SORCS1: variants seen among roughly 807,000 people sequenced by gnomAD.
SORCS1 encodes the protein VPS10 domain-containing receptor SorCS1.
In SORCS1, 60 loss-of-function variants were observed where a neutral mutation model predicts 146.1. That is an observed-to-expected ratio of 0.41 (90% CI 0.33 to 0.51). The LOEUF is 0.51. Ranked by LOEUF, SORCS1 falls within the 20% of genes least tolerant of loss-of-function variation. The probability of loss-of-function intolerance (pLI) is 0.21; values close to 1 mark genes in which losing one functional copy is unlikely to be tolerated. For missense variants in SORCS1, 1,352 were observed against 1,487.6 expected (o/e 0.91, Z 1.50); for synonymous variants, 637 against 584.0 (o/e 1.09, Z -1.31).
chr10:107,173,943 C>T, the SORCS1 span, among the ~76,000 whole-genome samples: 1 of 152,144 alleles, frequency 6.6e-6, no homozygotes, highest in African/African-American at 2.4e-5. Context: ...ATTATTAGAA[C>T]ATCATAATAC....
At chr10:106,837,164 A>T (rs2137087934) in intron 2 of SORCS1, among the ~76,000 whole-genome samples, 1 of 152,310 alleles carries the variant, frequency 6.6e-6, no homozygotes, top group East Asian at 1.9e-4. Context: ...ACTGCAGCTT[A>T]CTCAACCTCT....
At chr10:106,813,815 G>A (rs913161605) in intron 3 of SORCS1, among the ~76,000 whole-genome samples, 14 of 152,046 alleles carry the variant, frequency 9.2e-5, no homozygotes, top group African/African-American at 2.9e-4. Flanking sequence ...GACAGTGGGC[G>A]GTGTCATGTG....
chr10:106,752,677 C>G (rs928169208), intron 5 of SORCS1, among the ~76,000 whole-genome samples: 2 of 152,014 alleles, frequency 1.3e-5, no homozygotes, highest in Admixed American at 6.5e-5. Context: ...ACACAAGAGT[C>G]CTTGGGCAGT....
intron 1 of SORCS1, among the ~76,000 whole-genome samples, chr10:107,112,825 T>C (rs1045270176): frequency 2.6e-5 from 4 of 152,122 alleles, no homozygotes; most frequent in African/African-American, 4.8e-5. Flanking sequence ...TAAATATATA[T>C]GCACTCAACA....
At chr10:107,065,459 TC>T (rs1961708714) in intron 1 of SORCS1, among the ~76,000 whole-genome samples, 4 of 81,904 alleles carry the variant, frequency 4.9e-5, no homozygotes, top group African/African-American at 2.1e-4. Flanking sequence ...TTTCTCTCTT[TC>T]TCTCTCCCTC....
intron 3 of SORCS1, among the ~76,000 whole-genome samples, chr10:106,810,952 T>G (rs907894175): frequency 6.6e-6 from 1 of 151,768 alleles, no homozygotes; most frequent in African/African-American, 2.4e-5. Context: ...TCTTTTTTTT[T>G]TTTTTTGAGA....
chr10:106,786,403 G>A, intron 3 of SORCS1, among the ~76,000 whole-genome samples: 1 of 152,056 alleles, frequency 6.6e-6, no homozygotes, highest in East Asian at 1.9e-4. Context: ...CATCCTCCAG[G>A]ACCCCCCATG....
intron 1 of SORCS1, among the ~76,000 whole-genome samples, chr10:107,079,209 G>C (rs1276460856): frequency 2.0e-5 from 3 of 148,236 alleles, no homozygotes; most frequent in African/African-American, 5.0e-5. Context: ...CTGGGCAACA[G>C]AGCAAGACTC....
chr10:106,584,257 T>A (rs1295224088), intron 24 of SORCS1, among the ~76,000 whole-genome samples: 1 of 152,222 alleles, frequency 6.6e-6, no homozygotes, highest in East Asian at 1.9e-4. Context: ...CCAATGGGCC[T>A]TCCCTCCATT....
At chr10:106,802,585 G>A (rs952847570) in intron 3 of SORCS1, among the ~76,000 whole-genome samples, 7 of 151,156 alleles carry the variant, frequency 4.6e-5, no homozygotes, top group Non-Finnish European at 7.4e-5. Context: ...TGCAATCTCC[G>A]CCTCCCAGGT....
At chr10:106,970,957 C>T (rs1039751763) in intron 1 of SORCS1, among the ~76,000 whole-genome samples, 6 of 144,814 alleles carry the variant, frequency 4.1e-5, no homozygotes. Context: ...ACCATGTTGG[C>T]CAGGGTCATC....
At chr10:107,171,893 C>A in the SORCS1 span, among the ~76,000 whole-genome samples, 2 of 152,220 alleles carry the variant, frequency 1.3e-5, no homozygotes, top group Non-Finnish European at 1.5e-5. Context: ...TAATAAGCTG[C>A]CTAGATGTAG....
At chr10:106,928,301 G>A (rs962234001) in intron 2 of SORCS1, among the ~76,000 whole-genome samples, 6 of 152,198 alleles carry the variant, frequency 3.9e-5, no homozygotes, top group African/African-American at 7.2e-5. Flanking sequence ...CCGGTGGGCC[G>A]GCACTGCCGA....
At chr10:107,007,896 G>C (rs970410664) in intron 1 of SORCS1, among the ~76,000 whole-genome samples, 1 of 152,148 alleles carries the variant, frequency 6.6e-6, no homozygotes, top group Non-Finnish European at 1.5e-5. Flanking sequence ...TGGCCAAAAG[G>C]CCAGGAGGTG....
At chr10:107,142,562 C>T (rs1276416675) in intron 1 of SORCS1, among the ~76,000 whole-genome samples, 3 of 152,188 alleles carry the variant, frequency 2.0e-5, no homozygotes, top group Admixed American at 1.3e-4. Flanking sequence ...GATTTATCCA[C>T]AGTCTAAATT....
At chr10:106,824,946 CA>C (rs1401550614) in intron 3 of SORCS1, among the ~76,000 whole-genome samples, 1 of 152,054 alleles carries the variant, frequency 6.6e-6, no homozygotes, top group Non-Finnish European at 1.5e-5. Flanking sequence ...ACATAAAGAA[CA>C]AATACTGTCT....
In SORCS1 at chr10:106,577,273, A is replaced by C. The variant is rs1400739671; in HGVS notation, c.*147T>G. On this transcript the variant is annotated 3_prime_UTR_variant, in exon 26 of 26. Coordinates refer to ENST00000263054, the MANE Select transcript of SORCS1 (RefSeq NM_052918.5). ...TTTTGTGCTTTGATTCTCAGCAACT[A>C]TGGAAATACTTCCTGGCAAAATAGG... The C allele has an allele frequency of 6.2e-7, 1 of 1,606,018 alleles. No individual in the cohort carries two copies. Among genetic ancestry groups the C allele is most frequent in the Non-Finnish European group, 8.5e-7 (1 of 1,175,452 alleles).
chr10:107,090,249 G>A (rs781201218), intron 1 of SORCS1, among the ~76,000 whole-genome samples: 1 of 152,166 alleles, frequency 6.6e-6, no homozygotes, highest in Non-Finnish European at 1.5e-5. Context: ...GAGAACCCTG[G>A]AGAAGCATAG....
chr10:106,868,313 T>A (rs534574301), intron 2 of SORCS1, among the ~76,000 whole-genome samples: 1 of 152,236 alleles, frequency 6.6e-6, no homozygotes, highest in East Asian at 1.9e-4. Context: ...ACAAGGATAT[T>A]CAGAACCTGA....
Sources: allele counts gnomAD v4.1 joint callset (sites outside exome capture counted in the v4.1 genomes callset), GRCh38; gene constraint gnomAD v4.1.1; transcripts MANE v1.5; gene names NCBI Gene and HGNC (gene_info 2026-07-23, HGNC 2026-07-21).